The following EIF6 variants were observed in gnomAD, a reference collection of about 807,000 sequenced individuals.
EIF6 encodes the protein B4 integrin interactor.
In EIF6, 10 loss-of-function variants were observed where a neutral mutation model predicts 25.5. That is an observed-to-expected ratio of 0.39 (90% CI 0.24 to 0.66). EIF6 has a LOEUF of 0.66. Ranked by LOEUF, EIF6 falls within the 30% of genes least tolerant of loss-of-function variation. The pLI, the probability that EIF6 is intolerant of heterozygous loss-of-function variation, is 0.45. For missense variants in EIF6, 246 were observed against 315.4 expected (o/e 0.78, Z 1.67); for synonymous variants, 122 against 122.6 (o/e 1.00, Z 0.03).
intron 3 of EIF6, among the ~76,000 whole-genome samples, chr20:35,283,747 C>G (rs1161138502): frequency 6.6e-6 from 1 of 151,266 alleles, no homozygotes; most frequent in Non-Finnish European, 1.5e-5. Flanking sequence ...ATGCAGACAG[C>G]TGTGATCTTG....
Position 35,279,228 on chromosome 20 carries a change from C to T in EIF6, c.729-22G>A, listed in dbSNP as rs555752270. 395 of 1,612,632 alleles carry T rather than the reference C, an allele frequency of 2.4e-4. 5 individuals carry two copies. In the South Asian group the frequency reaches 3.3e-3, roughly 13 times the overall value. On this transcript the variant is annotated intron_variant, in intron 6 of 6. Coordinates refer to ENST00000374450, the MANE Select transcript of EIF6 (RefSeq NM_002212.4). Reference sequence around the variant, plus strand: ...GAGGCTGAAGAGAAAGGAAAGCGCACGGTCAGTAGCTGTTTCACAGAGCCC... The same window carrying T: ...GAGGCTGAAGAGAAAGGAAAGCGCATGGTCAGTAGCTGTTTCACAGAGCCC...
chr20:35,281,950 A>G (rs1265265981), intron 3 of EIF6, among the ~76,000 whole-genome samples: 1 of 151,508 alleles, frequency 6.6e-6, no homozygotes, highest in Admixed American at 6.6e-5. Context: ...CAGTAGAAAT[A>G]TGTACATGTG....
chr20:35,284,356 G>GT, intron 2 of EIF6, 25 bp downstream of exon 2: 1 of 1,613,450 alleles, frequency 6.2e-7, no homozygotes, highest in South Asian at 1.1e-5. Context: ...CCCCGCCACC[G>GT]TAAGCCCCGG....
intron 3 of EIF6, among the ~76,000 whole-genome samples, chr20:35,282,250 G>A (rs6120889): frequency 0.24 from 35,806 of 152,018 alleles, 4,415 homozygotes; most frequent in South Asian, 0.35. Context: ...CGGCCTCCCA[G>A]AGTGCTGGGA....
chr20:35,279,649 C>T lies in EIF6; in HGVS notation c.645G>A (p.Leu215=). 6.2e-7 allele frequency: 1 copy of T among 1,614,250 alleles called. No individual in the cohort carries two copies. Among genetic ancestry groups the T allele is most frequent in the Non-Finnish European group, 8.5e-7 (1 of 1,180,044 alleles). The change falls in exon 6 of 7, where the codon CTG becomes CTA. Residue 215 remains leucine (L), a synonymous_variant. Transcript: ENST00000374450. ...GCTTGAAGACACTCTCCACCACTGA[C>T]AGCTCTGTGCTGGTTGTGTCCAGGC... is the stretch of plus-strand genomic sequence containing the variant. ...FCGLDTTSTE[L]SVVESVFKLN... is the part of the protein sequence containing the mutation.
Position 35,279,131 on chromosome 20 carries a change from G to C in EIF6, c.*66C>G. On this transcript the variant is annotated 3_prime_UTR_variant, in exon 7 of 7. Coordinates refer to ENST00000374450, the MANE Select transcript of EIF6 (RefSeq NM_002212.4). ...CCTGCCAGCATCCGGTACAGATTGG[G>C]CGGAATGTGGAGAAGGTTGGCCACA... 1 of 1,606,616 alleles carries C rather than the reference G, an allele frequency of 6.2e-7. No homozygotes were observed. The highest frequency in any genetic ancestry group is 1.1e-5 in the South Asian group (1 of 90,706).
At chr20:35,282,697 C>A (rs1008358813) in intron 3 of EIF6, among the ~76,000 whole-genome samples, 1 of 151,530 alleles carries the variant, frequency 6.6e-6, no homozygotes, top group African/African-American at 2.4e-5. Flanking sequence ...GTGAGCTCCA[C>A]CTCCAGGGTT....
intron 6 of EIF6, 63 bp downstream of exon 6, chr20:35,279,503 C>T: frequency 1.9e-6 from 3 of 1,586,510 alleles, no homozygotes; most frequent in Non-Finnish European, 2.6e-6. Flanking sequence ...ATCTTTTCCC[C>T]ATACTCTCAA....
Position 35,279,089 on chromosome 20 carries a change from G to A in EIF6, c.*108C>T, listed in dbSNP as rs551897586. ...GGGTGCCCAGCCCCTCAGTCCCAGTGAGCTCTCTGCCACCTCCCTGCCAGC... is the reference window on the plus strand; with the variant it reads ...GGGTGCCCAGCCCCTCAGTCCCAGTAAGCTCTCTGCCACCTCCCTGCCAGC... On this transcript the variant is annotated 3_prime_UTR_variant, in exon 7 of 7. Transcript: ENST00000374450. The A allele has an allele frequency of 6.9e-7, 1 of 1,453,974 alleles. No homozygotes were observed. The highest frequency in any genetic ancestry group is 2.3e-5 in the East Asian group (1 of 42,988). 90.1% of individuals were successfully genotyped at this position (1,453,974 alleles called of 1,614,324 possible).
chr20:35,284,324 C>T, intron 2 of EIF6, 57 bp downstream of exon 2: 1 of 1,613,894 alleles, frequency 6.2e-7, no homozygotes. Context: ...ACTGCCGGAG[C>T]TCTTGACTCC....
chr20:35,281,990 CTTT>C (rs56685530), intron 3 of EIF6, among the ~76,000 whole-genome samples: 3 of 138,920 alleles, frequency 2.2e-5, no homozygotes, highest in Non-Finnish European at 3.1e-5. Flanking sequence ...AGCACTATTA[CTTT>C]TTTTTTTTTT....
intron 3 of EIF6, among the ~76,000 whole-genome samples, chr20:35,282,562 C>T (rs1351646589): frequency 2.0e-5 from 3 of 152,054 alleles, no homozygotes; most frequent in Non-Finnish European, 2.9e-5. Context: ...TAGGAAAATA[C>T]TTTGAGGTCA....
intron 1 of EIF6, 34 bp from the exon 2 acceptor site, chr20:35,284,526 C>A: frequency 6.4e-7 from 1 of 1,564,934 alleles, no homozygotes; most frequent in Non-Finnish European, 8.7e-7. Flanking sequence ...TCAAGGCCGG[C>A]GGATCCTTTC....
At position 35,280,664 on chromosome 20, in the gene EIF6, T is replaced by C. The variant is rs2060766090; in HGVS notation, c.359A>G (p.Asp120Gly). ...GTTGGGCTGCCTCACCCTGTCCAAG[T>C]CTGGGTGGACCAAGGCCACGTAGTC... is the stretch of plus-strand genomic sequence containing the variant. ...CNDYVALVHP[D>G]LDRETEEILA... Residue 120 changes from aspartate (D) to glycine (G), a missense_variant, in exon 4 of 7, where the codon GAC becomes GGC. Transcript: ENST00000374450. 1 of 1,613,430 alleles carries C rather than the reference T, an allele frequency of 6.2e-7. No individual in the cohort carries two copies. Among genetic ancestry groups the C allele is most frequent in the Non-Finnish European group, 8.5e-7 (1 of 1,179,714 alleles).
At chr20:35,284,348 C>T in intron 2 of EIF6, 33 bp downstream of exon 2, 1 of 1,613,832 alleles carries the variant, frequency 6.2e-7, no homozygotes, top group Non-Finnish European at 8.5e-7. Context: ...GCACGCCTCC[C>T]CGCCACCGTA....
At chr20:35,282,292 A>G (rs2060782300) in intron 3 of EIF6, among the ~76,000 whole-genome samples, 1 of 152,182 alleles carries the variant, frequency 6.6e-6, no homozygotes, top group Admixed American at 6.5e-5. Flanking sequence ...CCCGGCCAGC[A>G]GCACTATTCC....
intron 3 of EIF6, among the ~76,000 whole-genome samples, chr20:35,283,401 T>C (rs1600824952): frequency 1.3e-5 from 2 of 152,300 alleles, no homozygotes; most frequent in South Asian, 4.1e-4. Flanking sequence ...GATTCCAACG[T>C]AACTGAGCAG....
In EIF6 at chr20:35,284,206, C is replaced by G; in HGVS notation, c.163G>C (p.Gly55Arg). The G allele has an allele frequency of 6.3e-7, 1 of 1,599,248 alleles. No individual in the cohort carries two copies. Among genetic ancestry groups the G allele is most frequent in the Non-Finnish European group, 8.5e-7 (1 of 1,171,080 alleles). ...CACATGCGCCCGATGATGCGGCAGC[C>G]GGCGATAGACGCGTGCACCACGGGG... ...TIPVVHASIAGCRIIGRMCVG... is the reference protein window; with the variant it reads ...TIPVVHASIARCRIIGRMCVG... Residue 55 changes from glycine to arginine, a missense_variant, in exon 3 of 7, where the codon GGC becomes CGC. Coordinates refer to ENST00000374450, the MANE Select transcript of EIF6 (RefSeq NM_002212.4).
At chr20:35,284,617 C>A in intron 1 of EIF6, 109 bp downstream of exon 1, 1 of 1,134,896 alleles carries the variant, frequency 8.8e-7, no homozygotes, top group Non-Finnish European at 1.2e-6. Context: ...TCCTCGGGTC[C>A]CGCCCACTGG....
Sources: gnomAD v4.1 joint callset for allele counts (sites outside exome capture counted in the v4.1 genomes callset) on GRCh38, gnomAD v4.1.1 for gene constraint, MANE v1.5 for transcripts, NCBI Gene and HGNC (gene_info 2026-07-23, HGNC 2026-07-21) for gene names.